HIGD1C: variants seen among roughly 807,000 people sequenced by gnomAD.
The protein encoded by HIGD1C is HIG1 hypoxia inducible domain family member 1C.
HIGD1C carries 11 observed loss-of-function variants against 13.1 expected under a neutral mutation model. That is an observed-to-expected ratio of 0.84 (90% CI 0.53 to 1.39). The LOEUF (loss-of-function observed/expected upper bound fraction) is 1.39. Among genes scored for constraint, HIGD1C ranks in the 40% most tolerant of loss-of-function variants. HIGD1C has a pLI of 0.00. For missense variants in HIGD1C, 110 were observed against 112.0 expected (o/e 0.98, Z 0.08); for synonymous variants, 36 against 37.7 (o/e 0.95, Z 0.17).
Position 50,953,979 on chromosome 12 carries a change from T to C in HIGD1C, c.-20T>C. The C allele has an allele frequency of 1.4e-6, 2 of 1,450,716 alleles. No homozygotes were observed. Among genetic ancestry groups the C allele is most frequent in the Non-Finnish European group, 1.9e-6 (2 of 1,032,778 alleles). The allele number at this position is 1,450,716 out of a possible 1,614,324, so 89.9% of individuals were successfully genotyped here. ...ATTCACGGCAACCACATTTATATCC[T>C]ATTGTTACTAGAGAAAAAAATGTCT... On this transcript the variant is annotated 5_prime_UTR_variant, in exon 1 of 3. Transcript: ENST00000398455.
At chr12:50,938,417 G>A in the HIGD1C span, among the ~76,000 whole-genome samples, 1 of 152,196 alleles carries the variant, frequency 6.6e-6, no homozygotes, top group Non-Finnish European at 1.5e-5. Flanking sequence ...CAAGCCTGTT[G>A]GGGAAGGGGG....
At chr12:50,945,329 A>C in the HIGD1C span, among the ~76,000 whole-genome samples, 1 of 152,228 alleles carries the variant, frequency 6.6e-6, no homozygotes, top group Non-Finnish European at 1.5e-5. Context: ...GGATATTTAG[A>C]AAATCCCATC....
downstream of HIGD1C, among the ~76,000 whole-genome samples, chr12:50,970,871 CTTTAT>C (rs141979850): frequency 0.17 from 25,197 of 151,282 alleles, 2,484 homozygotes; most frequent in East Asian, 0.5. Flanking sequence ...CTTCTCTTTT[CTTTAT>C]TTTATTTTAT....
At chr12:50,954,180 T>A (rs1031440485) in intron 1 of HIGD1C, 88 bp downstream of exon 3, 1 of 787,822 alleles carries the variant, frequency 1.3e-6, no homozygotes, top group Non-Finnish European at 2.1e-6. Flanking sequence ...ATGTTTCTTA[T>A]AATTGAATTT....
intron 1 of HIGD1C, among the ~76,000 whole-genome samples, chr12:50,958,698 A>G (rs917959816): frequency 2.0e-5 from 3 of 150,914 alleles, no homozygotes; most frequent in African/African-American, 7.4e-5. Context: ...GGTCAAATGC[A>G]GGGATTAATG....
At chr12:50,960,901 A>T in intron 1 of HIGD1C, 67 bp from the exon 4 acceptor site, 1 of 1,399,742 alleles carries the variant, frequency 7.1e-7, no homozygotes, top group Admixed American at 2.6e-5. Context: ...GCTGTTTTCA[A>T]ACTCCTGGTC....
chr12:50,945,275 G>A, the HIGD1C span, among the ~76,000 whole-genome samples: 2 of 152,146 alleles, frequency 1.3e-5, no homozygotes, highest in African/African-American at 4.8e-5. Flanking sequence ...ATTCAGTTAG[G>A]AAAAGAGGAA....
At chr12:50,961,099 C>T (rs201612571) in exon 2 of HIGD1C, 227 of 1,613,494 alleles carry the variant, frequency 1.4e-4, no homozygotes, top group Non-Finnish European at 1.2e-4. Flanking sequence ...AGCTGTGACT[C>T]TAGGTAACCC....
downstream of HIGD1C, among the ~76,000 whole-genome samples, chr12:50,971,081 T>C (rs990521080): frequency 3.9e-5 from 6 of 152,150 alleles, no homozygotes; most frequent in Admixed American, 3.9e-4. Context: ...GGTTTCATCA[T>C]GTTGGCCAGG....
chr12:50,957,879 C>G (rs549749108), intron 1 of HIGD1C, among the ~76,000 whole-genome samples: 1 of 150,938 alleles, frequency 6.6e-6, no homozygotes, highest in Admixed American at 6.6e-5. Context: ...GAGTGAGACC[C>G]TGTCTGAAGA....
intron 1 of HIGD1C, among the ~76,000 whole-genome samples, chr12:50,957,904 A>C (rs896681257): frequency 1.3e-5 from 2 of 149,784 alleles, no homozygotes; most frequent in African/African-American, 4.9e-5. Flanking sequence ...AAACAAAACA[A>C]AAATGGAGAG....
upstream of HIGD1C, among the ~76,000 whole-genome samples, chr12:50,951,729 G>C (rs565566490): frequency 1.3e-5 from 2 of 151,848 alleles, no homozygotes; most frequent in Admixed American, 6.6e-5. Context: ...AGACCAGCCC[G>C]ACCAACATTG....
At chr12:50,946,719 T>A in the HIGD1C span, among the ~76,000 whole-genome samples, 1 of 152,152 alleles carries the variant, frequency 6.6e-6, no homozygotes, top group Non-Finnish European at 1.5e-5. Flanking sequence ...GACCCAGCCA[T>A]CCCATTACTG....
At chr12:50,954,086 C>A in exon 1 of HIGD1C, 2 of 1,599,638 alleles carry the variant, frequency 1.3e-6, no homozygotes, top group Non-Finnish European at 1.7e-6. Flanking sequence ...CCCCTTTGTC[C>A]CTATAGGTAA....
At chr12:50,934,805 A>G in the HIGD1C span, 1 of 152,246 alleles carries the variant, frequency 6.6e-6, no homozygotes, top group Non-Finnish European at 1.5e-5. Context: ...CAGAGCCTCA[A>G]GGGCAGATTC....
At chr12:50,958,808 G>C (rs936852457) in intron 1 of HIGD1C, among the ~76,000 whole-genome samples, 3 of 151,550 alleles carry the variant, frequency 2.0e-5, no homozygotes, top group African/African-American at 7.3e-5. Flanking sequence ...CTTGGGGCCA[G>C]GAGTTCAAAG....
chr12:50,938,167 GC>G, the HIGD1C span, among the ~76,000 whole-genome samples: 1 of 152,122 alleles, frequency 6.6e-6, no homozygotes, highest in Admixed American at 6.5e-5. Context: ...GTGCCTGCAG[GC>G]CCCTTCCAAG....
At chr12:50,957,077 A>G (rs951518167) in intron 1 of HIGD1C, among the ~76,000 whole-genome samples, 1 of 152,052 alleles carries the variant, frequency 6.6e-6, no homozygotes, top group African/African-American at 2.4e-5. Context: ...ATGTAAATGT[A>G]ATGATTTACT....
the HIGD1C span, among the ~76,000 whole-genome samples, chr12:50,946,467 G>C: frequency 1.3e-5 from 2 of 152,156 alleles, no homozygotes; most frequent in Non-Finnish European, 2.9e-5. Flanking sequence ...GCAGCCAACA[G>C]ACACATGAAA....
Sources: gnomAD v4.1 joint callset for allele counts (sites outside exome capture counted in the v4.1 genomes callset) on GRCh38, gnomAD v4.1.1 for gene constraint, MANE v1.5 for transcripts, NCBI Gene and HGNC (gene_info 2026-07-23, HGNC 2026-07-21) for gene names.